CTNNA2: variants seen among roughly 807,000 people sequenced by gnomAD.
The protein encoded by CTNNA2 is catenin alpha-2.
CTNNA2 carries 42 observed loss-of-function variants against 101.0 expected under a neutral mutation model. The observed-to-expected ratio is 0.42, with a 90% CI of 0.32 to 0.54. The LOEUF is 0.54. Among genes scored for constraint, CTNNA2 ranks in the 20% least tolerant of loss-of-function variants. The pLI, the probability that CTNNA2 is intolerant of heterozygous loss-of-function variation, is 0.14. For missense variants in CTNNA2, 871 were observed against 1,223.1 expected (o/e 0.71, Z 4.29); for synonymous variants, 450 against 456.4 (o/e 0.99, Z 0.18).
chr2:79,263,859 T>C (rs150163068), intron 2 of CTNNA2, among the ~76,000 whole-genome samples: 10 of 152,330 alleles, frequency 6.6e-5, no homozygotes, highest in Middle Eastern at 3.4e-3. Flanking sequence ...AATACATTTC[T>C]ATTGGTTATA....
intron 7 of CTNNA2, among the ~76,000 whole-genome samples, chr2:80,009,756 G>GTGTTTGTGTC (rs367758452): frequency 6.8e-6 from 1 of 148,108 alleles, no homozygotes; most frequent in Non-Finnish European, 1.5e-5. Flanking sequence ...GTGTGTCAGA[G>GTGTTTGTGTC]AGAGAGACAG....
At chr2:79,538,164 T>G (rs776972481) in intron 1 of CTNNA2, among the ~76,000 whole-genome samples, 3 of 152,100 alleles carry the variant, frequency 2.0e-5, no homozygotes, top group Non-Finnish European at 4.4e-5. Context: ...TCAAACTCTA[T>G]AACCTATTAA....
intron 1 of CTNNA2, among the ~76,000 whole-genome samples, chr2:79,591,899 GA>G (rs1331975790): frequency 7.2e-4 from 76 of 105,662 alleles, no homozygotes; most frequent in Non-Finnish European, 1.3e-3. Context: ...TGTTTCTTTT[GA>G]AAAAAAAATT....
intron 2 of CTNNA2, among the ~76,000 whole-genome samples, chr2:79,230,882 T>C (rs1674482714): frequency 6.6e-6 from 1 of 152,230 alleles, no homozygotes; most frequent in Non-Finnish European, 1.5e-5. Flanking sequence ...GACTGCCTTG[T>C]TGGATTTCAG....
chr2:79,991,709 G>A (rs1287440275), intron 7 of CTNNA2, among the ~76,000 whole-genome samples: 1 of 152,106 alleles, frequency 6.6e-6, no homozygotes, highest in Non-Finnish European at 1.5e-5. Context: ...AGTTGCCCAT[G>A]ATCAGTGAGA....
rs146021280 is a variant in CTNNA2, at chr2:80,595,664, T to A, written c.2189+6179T>A. Among the ~76,000 whole-genome samples the A allele has an allele frequency of 3.2e-3, 482 of 152,324 alleles. 1 individual carries two copies. The highest frequency in any genetic ancestry group is 5.3e-3 in the Non-Finnish European group (362 of 68,022). ...CTGAAACACTGTTTGACAGTTTTTT[T>A]TAAAGCTAAAAACCTGTGGTGGTAT... On this transcript the variant is annotated intron_variant, in intron 15 of 18. Transcript: ENST00000402739.
At chr2:79,391,927 G>C (rs773151582) in intron 4 of CTNNA2, among the ~76,000 whole-genome samples, 2 of 152,114 alleles carry the variant, frequency 1.3e-5, no homozygotes, top group African/African-American at 2.4e-5. Flanking sequence ...TGGCCATCTT[G>C]CTGCATCCTC....
At chr2:80,109,607 G>C (rs530209805) in intron 7 of CTNNA2, among the ~76,000 whole-genome samples, 11 of 152,268 alleles carry the variant, frequency 7.2e-5, no homozygotes, top group South Asian at 6.2e-4. Context: ...CTGAATTCTA[G>C]GAAATGGCCG....
intron 4 of CTNNA2, among the ~76,000 whole-genome samples, chr2:79,860,876 C>G (rs182935218): frequency 6.6e-6 from 1 of 152,236 alleles, no homozygotes; most frequent in East Asian, 1.9e-4. Context: ...GGGAGTATAT[C>G]AGTTCTTTTG....
intron 2 of CTNNA2, among the ~76,000 whole-genome samples, chr2:79,668,197 G>A (rs1013941882): frequency 2.3e-5 from 3 of 131,086 alleles, no homozygotes; most frequent in East Asian, 4.9e-4. Flanking sequence ...CCGAGATTGC[G>A]CCACTGCAGT....
At chr2:79,770,880 C>A (rs536982708) in intron 3 of CTNNA2, among the ~76,000 whole-genome samples, 1 of 152,260 alleles carries the variant, frequency 6.6e-6, no homozygotes, top group South Asian at 2.1e-4. Flanking sequence ...GAAATCAATT[C>A]TTAACTTGTA....
At chr2:79,519,507 C>A (rs1281774673) in intron 1 of CTNNA2, among the ~76,000 whole-genome samples, 2 of 152,128 alleles carry the variant, frequency 1.3e-5, no homozygotes, top group Non-Finnish European at 2.9e-5. Flanking sequence ...CTCAAACTCT[C>A]CAACACTTAT....
intron 7 of CTNNA2, among the ~76,000 whole-genome samples, chr2:80,190,959 G>C (rs1416008634): frequency 1.3e-5 from 2 of 152,176 alleles, no homozygotes; most frequent in Non-Finnish European, 2.9e-5. Flanking sequence ...TCCATGATCT[G>C]AAGTGCAACT....
At chr2:80,457,553 A>T (rs555924387) in intron 9 of CTNNA2, among the ~76,000 whole-genome samples, 108 of 152,252 alleles carry the variant, frequency 7.1e-4, no homozygotes, top group African/African-American at 2.6e-3. Flanking sequence ...AATATTACTG[A>T]TGTAAAAATA....
intron 2 of CTNNA2, among the ~76,000 whole-genome samples, chr2:79,301,731 G>A (rs1171913385): frequency 6.6e-6 from 1 of 152,064 alleles, no homozygotes; most frequent in Non-Finnish European, 1.5e-5. Flanking sequence ...AGGAGACTAT[G>A]AGAGTCATCC....
intron 7 of CTNNA2, chr2:80,163,176 C>T: frequency 2.2e-6 from 3 of 1,393,734 alleles, no homozygotes; most frequent in East Asian, 2.3e-5. Flanking sequence ...AAAAGGAGCT[C>T]CTCGGTCACT....
chr2:79,784,856 A>G (rs1228176163), intron 3 of CTNNA2, among the ~76,000 whole-genome samples: 2 of 152,078 alleles, frequency 1.3e-5, no homozygotes, highest in African/African-American at 4.8e-5. Flanking sequence ...GCTTTTATCT[A>G]TATAAAGGAA....
chr2:79,888,011 A>G (rs1006436375), intron 6 of CTNNA2, among the ~76,000 whole-genome samples: 4 of 152,198 alleles, frequency 2.6e-5, no homozygotes, highest in South Asian at 2.1e-4. Flanking sequence ...TACAATTTAT[A>G]TATGTAATAC....
intron 7 of CTNNA2, among the ~76,000 whole-genome samples, chr2:80,002,327 A>G (rs1024402592): frequency 1.3e-5 from 2 of 152,244 alleles, no homozygotes; most frequent in South Asian, 4.2e-4. Flanking sequence ...ACCACCATGA[A>G]AGTGTTTTGA....
Sources: allele counts gnomAD v4.1 joint callset (sites outside exome capture counted in the v4.1 genomes callset), GRCh38; gene constraint gnomAD v4.1.1; transcripts MANE v1.5; gene names NCBI Gene and HGNC (gene_info 2026-07-23, HGNC 2026-07-21).